The following CDH1 variants were observed in gnomAD, a reference collection of about 807,000 sequenced individuals.
The protein encoded by CDH1 is cadherin-1.
A neutral mutation model predicts 84.5 loss-of-function variants in CDH1; 35 were observed. The ratio of observed to expected loss-of-function variants is 0.41; its 90% CI spans 0.32 to 0.55. The LOEUF (loss-of-function observed/expected upper bound fraction) is 0.55, where lower values mean the gene tolerates loss of function less well. CDH1 is among the 20% of genes least tolerant of loss of function. The pLI is 0.19. For synonymous variants in CDH1, 417 were observed against 439.0 expected (o/e 0.95, Z 0.63); for missense variants, 994 against 1,126.6 (o/e 0.88, Z 1.68).
At chr16:68,745,689 G>A (rs980020176) in intron 2 of CDH1, among the ~76,000 whole-genome samples, 3 of 150,248 alleles carry the variant, frequency 2.0e-5, no homozygotes, top group South Asian at 2.1e-4. Context: ...TGCCAAAAAC[G>A]CTCTGTCCCA....
chr16:68,829,943 CTTTTTT>C, intron 15 of CDH1, 146 bp downstream of exon 15: 1 of 615,040 alleles, frequency 1.6e-6, no homozygotes, highest in Admixed American at 3.5e-5. Flanking sequence ...TTTCCTTTTT[CTTTTTT>C]TTTCTTTTTC....
intron 2 of CDH1, among the ~76,000 whole-genome samples, chr16:68,752,376 C>T (rs1271010945): frequency 6.6e-6 from 1 of 152,178 alleles, no homozygotes; most frequent in Non-Finnish European, 1.5e-5. Flanking sequence ...CTGTTCACTG[C>T]GGGTCTCCTC....
At chr16:68,829,047 C>G (rs1446351548) in intron 14 of CDH1, among the ~76,000 whole-genome samples, 2 of 152,188 alleles carry the variant, frequency 1.3e-5, no homozygotes, top group African/African-American at 4.8e-5. Context: ...CGTGGAATCT[C>G]AGCGGCACAC....
chr16:68,812,071 C>T (rs2152132378), intron 7 of CDH1, 64 bp from the exon 8 acceptor site: 1 of 1,611,444 alleles, frequency 6.2e-7, no homozygotes, highest in Non-Finnish European at 8.5e-7. Context: ...ATGTGTTGGG[C>T]TGGGCTAGGC....
At chr16:68,744,395 G>T (rs1042982436) in intron 2 of CDH1, among the ~76,000 whole-genome samples, 1 of 152,076 alleles carries the variant, frequency 6.6e-6, no homozygotes, top group Non-Finnish European at 1.5e-5. Context: ...GAAATCTGTG[G>T]TGCATGCTCA....
chr16:68,739,890 C>T (rs770196828), intron 2 of CDH1, among the ~76,000 whole-genome samples: 1 of 152,116 alleles, frequency 6.6e-6, no homozygotes, highest in African/African-American at 2.4e-5. Context: ...GCTGGGATTA[C>T]AGGCATGAGC....
chr16:68,797,787 A>G (rs1960400519), intron 2 of CDH1, among the ~76,000 whole-genome samples: 1 of 152,174 alleles, frequency 6.6e-6, no homozygotes, highest in African/African-American at 2.4e-5. Context: ...TGTAATGAAA[A>G]GACTTTCCCA....
chr16:68,780,629 T>G (rs1381508887), intron 2 of CDH1, among the ~76,000 whole-genome samples: 2 of 152,160 alleles, frequency 1.3e-5, no homozygotes, highest in African/African-American at 2.4e-5. Flanking sequence ...TACTACCTTA[T>G]TGTATGTTTT....
At chr16:68,769,940 C>T (rs1959509926) in intron 2 of CDH1, among the ~76,000 whole-genome samples, 1 of 150,096 alleles carries the variant, frequency 6.7e-6, no homozygotes, top group Non-Finnish European at 1.5e-5. Flanking sequence ...CTCGGCCTCC[C>T]AAAGTGCTGG....
intron 2 of CDH1, among the ~76,000 whole-genome samples, chr16:68,782,344 T>C (rs1407969068): frequency 6.6e-6 from 1 of 152,204 alleles, no homozygotes; most frequent in African/African-American, 2.4e-5. Flanking sequence ...TCAGAGGCAG[T>C]TGCAGAAGTT....
intron 13 of CDH1, among the ~76,000 whole-genome samples, chr16:68,827,358 C>G (rs1961347840): frequency 7.2e-6 from 1 of 138,040 alleles, no homozygotes; most frequent in African/African-American, 3.2e-5. Context: ...ATAGAAAACA[C>G]ATGGAATCTT....
chr16:68,791,449 A>G (rs1308347409), intron 2 of CDH1, among the ~76,000 whole-genome samples: 1 of 152,042 alleles, frequency 6.6e-6, no homozygotes, highest in South Asian at 2.1e-4. Flanking sequence ...TGGAGATAGC[A>G]TCTCAATCTG....
chr16:68,756,132 A>ATTT (rs58200081), intron 2 of CDH1, among the ~76,000 whole-genome samples: 1 of 124,560 alleles, frequency 8.0e-6, no homozygotes. Flanking sequence ...TTTAGGGCAT[A>ATTT]TTTTTTTTTT....
intron 2 of CDH1, among the ~76,000 whole-genome samples, chr16:68,786,639 T>C (rs1242473275): frequency 6.7e-6 from 1 of 148,764 alleles, no homozygotes; most frequent in Non-Finnish European, 1.5e-5. Context: ...AGCAGTTACC[T>C]TTCCAGGCAG....
intron 5 of CDH1, among the ~76,000 whole-genome samples, chr16:68,809,556 A>AC (rs1182795315): frequency 1.3e-5 from 2 of 151,774 alleles, no homozygotes; most frequent in African/African-American, 4.8e-5. Context: ...GACCGAGTCT[A>AC]CCTGTGTCAC....
In CDH1 at chr16:68,833,293, C is replaced by G. The variant is rs2152143831; in HGVS notation, c.2443C>G (p.Leu815Val). 1.2e-6 allele frequency: 2 copies of G among 1,614,006 alleles called. No individual in the cohort carries two copies. The highest frequency in any genetic ancestry group is 2.2e-5 in the East Asian group (1 of 44,896). Residue 815 changes from leucine to valine, a missense_variant, in exon 16 of 16, where the codon CTG becomes GTG. Physicochemically the swap from Leu to Val is conservative, Grantham distance 32. This residue lies in a region of CDH1 where 769 missense variants were observed against 881.8 expected (regional missense o/e 0.87). Coordinates refer to ENST00000261769, the MANE Select transcript of CDH1 (RefSeq NM_004360.5). Reference protein sequence around the residue: ...DEIGNFIDENLKAADTDPTAP... With the variant: ...DEIGNFIDENVKAADTDPTAP... ...GCTTTTGTCCCTTCTTCTTTAGAATCTGAAAGCGGCTGATACTGACCCCAC... is the reference window on the plus strand; with the variant it reads ...GCTTTTGTCCCTTCTTCTTTAGAATGTGAAAGCGGCTGATACTGACCCCAC...
chr16:68,770,719 G>T (rs1013809591), intron 2 of CDH1, among the ~76,000 whole-genome samples: 34 of 151,296 alleles, frequency 2.2e-4, no homozygotes, highest in South Asian at 1.0e-3. Flanking sequence ...AGTAGGAAGA[G>T]AATTCCAAGC....
intron 1 of CDH1, among the ~76,000 whole-genome samples, chr16:68,737,670 T>G (rs1353375280): frequency 1.3e-5 from 2 of 152,118 alleles, no homozygotes; most frequent in African/African-American, 2.4e-5. Context: ...CGAGCGCGGC[T>G]TTCCTGCCCC....
At chr16:68,749,121 G>A (rs988011155) in intron 2 of CDH1, among the ~76,000 whole-genome samples, 1 of 152,244 alleles carries the variant, frequency 6.6e-6, no homozygotes, top group Non-Finnish European at 1.5e-5. Flanking sequence ...ACAGGCATGA[G>A]CCACCGTGCC....
Sources: gnomAD v4.1 joint callset for allele counts (sites outside exome capture counted in the v4.1 genomes callset) on GRCh38, gnomAD v4.1.1 for gene constraint, gnomAD v4.1.1 regional missense constraint, MANE v1.5 for transcripts, NCBI Gene and HGNC (gene_info 2026-07-23, HGNC 2026-07-21) for gene names.